The following OVCH2 variants were observed in gnomAD, a reference collection of about 807,000 sequenced individuals.
The protein encoded by OVCH2 is ovochymase-2.
OVCH2 carries 88 observed loss-of-function variants against 73.7 expected under a neutral mutation model. That is an observed-to-expected ratio of 1.19 (90% CI 1.01 to 1.43). The LOEUF (loss-of-function observed/expected upper bound fraction) is 1.43, where lower values mean the gene tolerates loss of function less well. OVCH2 is among the 40% of genes most tolerant of loss of function. The pLI is 0.00. For missense variants in OVCH2, 706 were observed against 674.5 expected (o/e 1.05, Z -0.52); for synonymous variants, 265 against 234.5 (o/e 1.13, Z -1.19).
At chr11:7,684,506 ATGTGTGTGTG>A (rs55770590), downstream of OVCH2, among the ~76,000 whole-genome samples, 1,848 of 141,410 alleles carry the variant, frequency 0.013, 22 homozygotes, top group Middle Eastern at 0.026. Context: ...ATACATACAT[ATGTGTGTGTG>A]TGTGTGTGTG....
At chr11:7,679,370 G>A in the OVCH2 span, among the ~76,000 whole-genome samples, 7 of 152,076 alleles carry the variant, frequency 4.6e-5, no homozygotes, top group Non-Finnish European at 7.4e-5. Context: ...ATGTTTAGAG[G>A]GTGATATGGT....
downstream of OVCH2, among the ~76,000 whole-genome samples, chr11:7,687,317 T>G (rs868525945): frequency 2.3e-3 from 349 of 149,320 alleles, 2 homozygotes; most frequent in Middle Eastern, 0.018. Flanking sequence ...GAAATAATAA[T>G]AATAATAATA....
At chr11:7,690,389 A>G (rs1477880209) in intron 14 of OVCH2, among the ~76,000 whole-genome samples, 4 of 152,184 alleles carry the variant, frequency 2.6e-5, no homozygotes, top group Admixed American at 6.5e-5. Flanking sequence ...GCTTGTGGCC[A>G]AGTGTATCTT....
intron 8 of OVCH2, chr11:7,697,024 CTCTCT>C (rs1346030364): frequency 2.6e-5 from 2 of 77,540 alleles, no homozygotes; most frequent in Non-Finnish European, 6.7e-5. Context: ...TAACTCTTCT[CTCTCT>C]TTTTATTTTA....
At chr11:7,705,352 A>G (rs1856512261) in intron 1 of OVCH2, 1 of 152,210 alleles carries the variant, frequency 6.6e-6, no homozygotes, top group African/African-American at 2.4e-5. Context: ...CGGACTATGA[A>G]CTACTCAAGG....
Position 7,696,604 on chromosome 11 carries a change from T to C in OVCH2, c.1017-15A>G, listed in dbSNP as rs1856339146. 3 of 1,613,872 alleles carry C rather than the reference T, an allele frequency of 1.9e-6. No individual in the cohort carries two copies. The highest frequency in any genetic ancestry group is 1.6e-4 in the Middle Eastern group (1 of 6,084). On this transcript the variant is annotated splice_polypyrimidine_tract_variant and intron_variant, in intron 9 of 15. Transcript: ENST00000533663. ...AGACACACCGTCTGTAGGCAGATCATGGAGAGGGCGTTATTTCTAGACAGA... is the reference window on the plus strand; with the variant it reads ...AGACACACCGTCTGTAGGCAGATCACGGAGAGGGCGTTATTTCTAGACAGA...
At chr11:7,680,471 G>A in the OVCH2 span, among the ~76,000 whole-genome samples, 23 of 152,164 alleles carry the variant, frequency 1.5e-4, no homozygotes, top group African/African-American at 5.5e-4. Flanking sequence ...TATCCGGGTG[G>A]GCCTGATGTG....
chr11:7,690,894 GA>G lies in OVCH2; in HGVS notation c.1639+374del, dbSNP rs1856207725. On this transcript the variant is annotated intron_variant, in intron 14 of 15. Coordinates refer to ENST00000533663, the MANE Select transcript of OVCH2 (RefSeq NM_198185.7). ...AAAACTCTGTGGTGTGCCTCACATA[GA>G]AAACACACGTGTTAGATAAGCTTTG... is the stretch of plus-strand genomic sequence containing the variant. Among the ~76,000 whole-genome samples the G allele has an allele frequency of 3.9e-5, 6 of 152,190 alleles. No homozygotes were observed. In the South Asian group the frequency reaches 1.2e-3, roughly 32 times the overall value.
intron 2 of OVCH2, among the ~76,000 whole-genome samples, 159 bp from the exon 3 acceptor site, chr11:7,703,948 A>G (rs1308713109): frequency 6.6e-6 from 1 of 152,232 alleles, no homozygotes; most frequent in African/African-American, 2.4e-5. Flanking sequence ...TACCGCTCAG[A>G]AAGAAGAGTG....
Position 7,696,698 on chromosome 11 carries a change from G to T in OVCH2, c.1016+11C>A. 6.2e-7 allele frequency: 1 copy of T among 1,613,844 alleles called. No individual in the cohort carries two copies. The highest frequency in any genetic ancestry group is 8.5e-7 in the Non-Finnish European group (1 of 1,179,822). ...GGAGTAAGGAGGAGGAGTACAAAGG[G>T]GGTTACTCACTGCTTGCTCTCATAA... On this transcript the variant is annotated intron_variant, in intron 9 of 15. Transcript: ENST00000533663.
the OVCH2 span, among the ~76,000 whole-genome samples, chr11:7,679,702 G>C: frequency 6.6e-6 from 1 of 152,188 alleles, no homozygotes; most frequent in African/African-American, 2.4e-5. Flanking sequence ...GTCAGTCTCA[G>C]GGATGTTCTT....
At chr11:7,706,129 C>A in intron 1 of OVCH2, 178 bp downstream of exon 1, 1 of 589,420 alleles carries the variant, frequency 1.7e-6, no homozygotes, top group Non-Finnish European at 2.9e-6. Context: ...ATGTTTCACC[C>A]TGTGTCCTAT....
At chr11:7,700,180 G>A in intron 7 of OVCH2, 116 bp downstream of exon 7, 5 of 989,062 alleles carry the variant, frequency 5.1e-6, no homozygotes, top group Non-Finnish European at 7.4e-6. Flanking sequence ...GTGCTACACT[G>A]AGAACAGAGG....
chr11:7,698,099 C>T (rs774582532), intron 8 of OVCH2, among the ~76,000 whole-genome samples: 3 of 152,170 alleles, frequency 2.0e-5, no homozygotes, highest in Non-Finnish European at 4.4e-5. Flanking sequence ...TATTCCATTT[C>T]CACTTGACAA....
At chr11:7,698,223 G>A (rs1856371952) in intron 8 of OVCH2, among the ~76,000 whole-genome samples, 1 of 152,060 alleles carries the variant, frequency 6.6e-6, no homozygotes, top group Non-Finnish European at 1.5e-5. Flanking sequence ...AGCTCTCAGG[G>A]TACTATTTTT....
the OVCH2 span, among the ~76,000 whole-genome samples, chr11:7,680,642 G>C: frequency 1.3e-5 from 2 of 152,158 alleles, no homozygotes; most frequent in African/African-American, 2.4e-5. Flanking sequence ...AAAAGGCAAA[G>C]AAATGGATTT....
rs1425273271 is a variant in OVCH2 at position 7,689,995 on chromosome 11, A to C, written c.1658T>G (p.Ile553Ser). 3 of 1,524,598 alleles carry C rather than the reference A, an allele frequency of 2.0e-6. No individual in the cohort carries two copies. In the South Asian group the frequency reaches 3.6e-5, roughly 18 times the overall value. 94.4% of individuals were successfully genotyped at this position (1,524,598 alleles called of 1,614,324 possible). Residue 553 changes from isoleucine to serine, a missense_variant, in exon 15 of 16, where the codon ATC (isoleucine) becomes AGC (serine). Ile to Ser is a moderately radical substitution (Grantham distance 142, BLOSUM62 -2). Coordinates refer to ENST00000533663, the MANE Select transcript of OVCH2 (RefSeq NM_198185.7). ...IPKAVYPDLN[I>S]SISEDESMFL... ...CATTGATTCATCCTCTGATATGGAG[A>C]TGTTTAAATCTGGGTATACTGGGTA...
chr11:7,685,638 C>T (rs1186637061), downstream of OVCH2, among the ~76,000 whole-genome samples: 1 of 90,100 alleles, frequency 1.1e-5, no homozygotes, highest in Non-Finnish European at 2.0e-5. Flanking sequence ...ATAGCTCCCA[C>T]CCGGTCGGTG....
the OVCH2 span, among the ~76,000 whole-genome samples, chr11:7,682,519 A>G: frequency 6.6e-6 from 1 of 152,246 alleles, no homozygotes; most frequent in African/African-American, 2.4e-5. Flanking sequence ...AGTTTGATTA[A>G]GAGCCAGTGG....
Sources: allele counts gnomAD v4.1 joint callset (sites outside exome capture counted in the v4.1 genomes callset), GRCh38; gene constraint gnomAD v4.1.1; transcripts MANE v1.5; gene names NCBI Gene and HGNC (gene_info 2026-07-23, HGNC 2026-07-21).